SAMD5: variants seen among roughly 807,000 people sequenced by gnomAD.
SAMD5 encodes sterile alpha motif domain-containing protein 5.
SAMD5 carries 13 observed loss-of-function variants against 11.3 expected under a neutral mutation model. The observed-to-expected ratio is 1.15, with a 90% CI of 0.75 to 1.83. The LOEUF is 1.83. Ranked by LOEUF, SAMD5 falls within the 40% of genes most tolerant of loss-of-function variation. The pLI is 0.00. For synonymous variants in SAMD5, 129 were observed against 111.3 expected, an observed-to-expected ratio of 1.16 and a Z score of -1.00; for missense variants, 255 against 239.1, an observed-to-expected ratio of 1.07 and a Z score of -0.44.
chr6:147,596,314 TC>T (rs1222403758), intron 1 of SAMD5, among the ~76,000 whole-genome samples: 1 of 152,216 alleles, frequency 6.6e-6, no homozygotes, highest in African/African-American at 2.4e-5. Context: ...TTCAGTGCCT[TC>T]GATACTGTAA....
At chr6:147,679,336 T>C (rs1416488737) in intron 1 of SAMD5, among the ~76,000 whole-genome samples, 4 of 152,126 alleles carry the variant, frequency 2.6e-5, no homozygotes, top group Non-Finnish European at 5.9e-5. Flanking sequence ...GACTTTTTCA[T>C]TTTAGAAACT....
chr6:147,671,917 CA>C lies in SAMD5; in HGVS notation c.163-65399del, dbSNP rs1790801860. Reference sequence around the variant, plus strand: ...TTTTTTTTTTTTTTTTTTTTTAGCTCATCTTGCACATTTACCCTTCCAGATG... The same window carrying C: ...TTTTTTTTTTTTTTTTTTTTTAGCTCTCTTGCACATTTACCCTTCCAGATG... On this transcript the variant is annotated intron_variant, in intron 1 of 1. Transcript: ENST00000566741. 3.2e-5 allele frequency among the ~76,000 whole-genome samples: 3 copies of C among 94,440 alleles called. No homozygotes were observed. In the South Asian group the frequency reaches 1.0e-3, roughly 31 times the overall value. 62.0% of individuals were successfully genotyped at this position (94,440 alleles called of 152,430 possible). A position where few individuals can be genotyped will look rare whatever the true frequency, so the allele number is the denominator to read the frequency against.
the SAMD5 span, among the ~76,000 whole-genome samples, chr6:147,933,858 C>G: frequency 6.6e-6 from 1 of 152,098 alleles, no homozygotes; most frequent in African/African-American, 2.4e-5. Flanking sequence ...TCAAAAGGTA[C>G]CAGATTATGT....
At chr6:147,616,238 C>T (rs610402) in intron 1 of SAMD5, among the ~76,000 whole-genome samples, 16,442 of 111,998 alleles carry the variant, frequency 0.15, 2,904 homozygotes, top group African/African-American at 0.41. Flanking sequence ...TTCATATATA[C>T]TTCATATATA....
intron 1 of SAMD5, among the ~76,000 whole-genome samples, chr6:147,629,727 T>A (rs972705088): frequency 2.0e-5 from 3 of 152,196 alleles, no homozygotes; most frequent in African/African-American, 7.2e-5. Flanking sequence ...TTACATGGAC[T>A]GTTATCCCTA....
chr6:147,581,173 G>A (rs561246950), intron 1 of SAMD5, among the ~76,000 whole-genome samples: 1 of 152,314 alleles, frequency 6.6e-6, no homozygotes, highest in South Asian at 2.1e-4. Flanking sequence ...AGGAGAAGGA[G>A]CAGACGTATA....
intron 1 of SAMD5, among the ~76,000 whole-genome samples, chr6:147,639,507 A>G (rs1264366472): frequency 6.6e-6 from 1 of 152,158 alleles, no homozygotes; most frequent in African/African-American, 2.4e-5. Context: ...CCGAGGAGCT[A>G]TGGCTCATCC....
At chr6:147,536,057 C>G (rs1354994290) in intron 1 of SAMD5, among the ~76,000 whole-genome samples, 1 of 151,878 alleles carries the variant, frequency 6.6e-6, no homozygotes, top group Admixed American at 6.6e-5. Context: ...GATCTCGACT[C>G]ACTGCAAGCT....
intron 1 of SAMD5, among the ~76,000 whole-genome samples, chr6:147,733,965 T>A (rs1195469516): frequency 6.6e-6 from 1 of 152,216 alleles, no homozygotes; most frequent in Non-Finnish European, 1.5e-5. Flanking sequence ...CTGTCCAAAA[T>A]GGACAGGATC....
chr6:147,793,738 A>T, the SAMD5 span, among the ~76,000 whole-genome samples: 1 of 152,112 alleles, frequency 6.6e-6, no homozygotes, highest in Non-Finnish European at 1.5e-5. Flanking sequence ...AGTTGACTAT[A>T]TTTCTGTGGA....
chr6:147,832,270 G>T, the SAMD5 span, among the ~76,000 whole-genome samples: 1 of 152,122 alleles, frequency 6.6e-6, no homozygotes, highest in Admixed American at 6.5e-5. Context: ...TATCTTTTAA[G>T]ATTATTAGGG....
At chr6:147,886,020 T>G in the SAMD5 span, among the ~76,000 whole-genome samples, 1 of 152,160 alleles carries the variant, frequency 6.6e-6, no homozygotes, top group African/African-American at 2.4e-5. Context: ...TACCATAAAA[T>G]AGAAAGAAAG....
At chr6:147,632,283 C>A (rs186419513) in intron 1 of SAMD5, among the ~76,000 whole-genome samples, 4 of 152,072 alleles carry the variant, frequency 2.6e-5, no homozygotes, top group African/African-American at 9.7e-5. Context: ...GATGGAGGAC[C>A]CTTGCATAGT....
chr6:147,775,717 G>T, the SAMD5 span, among the ~76,000 whole-genome samples: 1 of 152,158 alleles, frequency 6.6e-6, no homozygotes, highest in Non-Finnish European at 1.5e-5. Context: ...TCATTGGTTT[G>T]AGTGTCTAGG....
intron 1 of SAMD5, among the ~76,000 whole-genome samples, chr6:147,598,182 T>C (rs1789562546): frequency 6.6e-6 from 1 of 152,104 alleles, no homozygotes; most frequent in Admixed American, 6.6e-5. Context: ...TGGATTTCAA[T>C]GGTGTGATCA....
chr6:147,685,506 G>A (rs73011992), intron 1 of SAMD5, among the ~76,000 whole-genome samples: 17,514 of 152,104 alleles, frequency 0.12, 1,109 homozygotes, highest in Middle Eastern at 0.16. Flanking sequence ...TGCTGGAGTC[G>A]CTTCCTCTGG....
intron 1 of SAMD5, among the ~76,000 whole-genome samples, chr6:147,613,499 T>A (rs1307777021): frequency 6.6e-6 from 1 of 151,928 alleles, no homozygotes; most frequent in South Asian, 2.1e-4. Flanking sequence ...TTGAGACCAC[T>A]CTTTTTCTTC....
At chr6:147,951,945 G>T in the SAMD5 span, among the ~76,000 whole-genome samples, 8 of 152,130 alleles carry the variant, frequency 5.3e-5, no homozygotes, top group Admixed American at 5.2e-4. Context: ...TTAACGCAGG[G>T]GGGCCATATT....
chr6:147,640,402 T>C (rs997316518), intron 1 of SAMD5, among the ~76,000 whole-genome samples: 8 of 136,876 alleles, frequency 5.8e-5, no homozygotes, highest in African/African-American at 1.9e-4. Context: ...GAGGCTGAGA[T>C]AGGAGAATCA....
Sources: gnomAD v4.1 joint callset for allele counts (sites outside exome capture counted in the v4.1 genomes callset) on GRCh38, gnomAD v4.1.1 for gene constraint, MANE v1.5 for transcripts, NCBI Gene and HGNC (gene_info 2026-07-23, HGNC 2026-07-21) for gene names.